The following RAD51B variants were observed in gnomAD, a reference collection of about 807,000 sequenced individuals.
RAD51B encodes the protein RAD51 paralog B.
A neutral mutation model predicts 42.2 loss-of-function variants in RAD51B; 38 were observed. The ratio of observed to expected loss-of-function variants is 0.90; its 90% CI spans 0.70 to 1.18. RAD51B has a LOEUF of 1.18. RAD51B is among the 50% of genes most tolerant of loss of function. RAD51B has a pLI of 0.00. For synonymous variants in RAD51B, 154 were observed against 145.2 expected, an observed-to-expected ratio of 1.06 and a Z score of -0.43; for missense variants, 373 against 400.7, an observed-to-expected ratio of 0.93 and a Z score of 0.59.
At chr14:68,521,145 G>A (rs1233985303) in intron 10 of RAD51B, among the ~76,000 whole-genome samples, 4 of 152,224 alleles carry the variant, frequency 2.6e-5, no homozygotes, top group Non-Finnish European at 5.9e-5. Flanking sequence ...AGAGGCAACA[G>A]CTGGGGCCTG....
intron 7 of RAD51B, among the ~76,000 whole-genome samples, chr14:68,040,012 A>G (rs911697571): frequency 6.6e-6 from 1 of 152,184 alleles, no homozygotes; most frequent in Non-Finnish European, 1.5e-5. Context: ...GGTAGTTTAG[A>G]TTGGTTAATG....
At chr14:68,283,215 T>TA (rs1470278582) in intron 7 of RAD51B, among the ~76,000 whole-genome samples, 1 of 151,992 alleles carries the variant, frequency 6.6e-6, no homozygotes, top group Admixed American at 6.6e-5. Flanking sequence ...CCACAGGTAA[T>TA]AAAAACACCT....
intron 7 of RAD51B, among the ~76,000 whole-genome samples, chr14:68,013,783 G>A (rs1454773647): frequency 6.6e-6 from 1 of 152,132 alleles, no homozygotes; most frequent in Non-Finnish European, 1.5e-5. Context: ...ATAGACTTGA[G>A]AGGTGCAGTT....
chr14:67,965,464 T>C (rs941356289), intron 7 of RAD51B, among the ~76,000 whole-genome samples: 24 of 152,154 alleles, frequency 1.6e-4, no homozygotes, highest in African/African-American at 5.1e-4. Context: ...TCTTGTCAAA[T>C]CTCTTTCTTT....
chr14:68,492,925 T>C (rs1224408092), intron 10 of RAD51B, among the ~76,000 whole-genome samples: 3 of 152,226 alleles, frequency 2.0e-5, no homozygotes, highest in Non-Finnish European at 4.4e-5. Context: ...ATAGCTTGCT[T>C]AATGTCATAC....
At chr14:67,844,624 A>ATAT (rs1555405151) in intron 4 of RAD51B, among the ~76,000 whole-genome samples, 177 of 147,798 alleles carry the variant, frequency 1.2e-3, no homozygotes, top group African/African-American at 3.7e-3. Flanking sequence ...ATATATATAT[A>ATAT]TTTTTTTTAT....
At chr14:68,244,690 G>A (rs1398913061) in intron 7 of RAD51B, among the ~76,000 whole-genome samples, 9 of 152,166 alleles carry the variant, frequency 5.9e-5, no homozygotes, top group African/African-American at 1.2e-4. Flanking sequence ...GGAAGGAATC[G>A]AAACAAAAGA....
exon 11 of RAD51B, chr14:68,595,977 T>TACA: frequency 1.8e-6 from 1 of 543,894 alleles, no homozygotes; most frequent in Non-Finnish European, 2.5e-6. Flanking sequence ...TCAAGTTTCC[T>TACA]CCCATTAACA....
chr14:68,654,977 G>A (rs1166205423), intron 11 of RAD51B, among the ~76,000 whole-genome samples: 1 of 152,166 alleles, frequency 6.6e-6, no homozygotes, highest in African/African-American at 2.4e-5. Context: ...AGAGTGAAAG[G>A]AGGGAGTAGG....
intron 10 of RAD51B, among the ~76,000 whole-genome samples, chr14:68,554,825 G>C (rs1296034726): frequency 2.0e-5 from 3 of 151,612 alleles, no homozygotes; most frequent in African/African-American, 7.3e-5. Flanking sequence ...TGAATGAATA[G>C]CAGCCGAGGT....
intron 7 of RAD51B, among the ~76,000 whole-genome samples, chr14:68,013,214 C>G (rs1260263939): frequency 1.3e-5 from 2 of 152,164 alleles, no homozygotes; most frequent in African/African-American, 4.8e-5. Flanking sequence ...TCCAAATGAA[C>G]TAGTTTGGGC....
At chr14:68,293,862 T>G (rs1252814139) in intron 8 of RAD51B, among the ~76,000 whole-genome samples, 1 of 152,258 alleles carries the variant, frequency 6.6e-6, no homozygotes, top group Non-Finnish European at 1.5e-5. Flanking sequence ...TGTATCCATG[T>G]TGTTATCCAG....
chr14:68,212,742 G>A lies in RAD51B; in HGVS notation c.757-79142G>A, dbSNP rs2079737109. Among the ~76,000 whole-genome samples the A allele has an allele frequency of 2.0e-5, 3 of 152,328 alleles. No individual in the cohort carries two copies. The South Asian group carries it at 6.2e-4, about 32-fold the overall frequency. ...GACATTGATCTTCAGCAAATTTTTA[G>A]AGTGGATTACTGAATGATTACGTGT... On this transcript the variant is annotated intron_variant, in intron 7 of 10. Transcript: ENST00000471583.
At chr14:68,515,689 A>T in intron 10 of RAD51B, among the ~76,000 whole-genome samples, 2 of 150,084 alleles carry the variant, frequency 1.3e-5, no homozygotes, top group East Asian at 3.9e-4. Context: ...TCAAATGATC[A>T]TCTCACCTCA....
chr14:68,394,922 T>C (rs2083869392), intron 8 of RAD51B, among the ~76,000 whole-genome samples: 1 of 152,168 alleles, frequency 6.6e-6, no homozygotes, highest in African/African-American at 2.4e-5. Context: ...CCTGCTCTTT[T>C]TCTCAGTGAG....
chr14:67,994,616 G>T lies in RAD51B; in HGVS notation c.756+107412G>T, dbSNP rs34960360. Among the ~76,000 whole-genome samples the T allele has an allele frequency of 7.4e-3, 1,128 of 152,222 alleles. 24 individuals carry two copies. The highest frequency in any genetic ancestry group is 0.042 in the East Asian group (219 of 5,180). ...CTCAAGCAGGATTTAAGGCAGGGAG[G>T]GGTCACCACTGATTGATCTTCAAAT... On this transcript the variant is annotated intron_variant, in intron 7 of 10. Coordinates refer to ENST00000471583, the MANE Select transcript of RAD51B (RefSeq NM_133510.4).
At chr14:68,116,555 G>A (rs1276147088) in intron 7 of RAD51B, among the ~76,000 whole-genome samples, 1 of 151,896 alleles carries the variant, frequency 6.6e-6, no homozygotes, top group Non-Finnish European at 1.5e-5. Flanking sequence ...GAGAAAATAC[G>A]GTCTTCTGTT....
At chr14:68,389,884 T>C (rs1181167372) in intron 8 of RAD51B, among the ~76,000 whole-genome samples, 1 of 152,242 alleles carries the variant, frequency 6.6e-6, no homozygotes, top group African/African-American at 2.4e-5. Context: ...GTTGGGCCTC[T>C]TGTTTCTCAA....
downstream of RAD51B, among the ~76,000 whole-genome samples, chr14:68,480,014 T>C (rs1235650078): frequency 1.3e-5 from 2 of 152,132 alleles, no homozygotes; most frequent in Non-Finnish European, 2.9e-5. Context: ...GGTTCTCATG[T>C]CACATAAAAC....
Sources: gnomAD v4.1 joint callset for allele counts (sites outside exome capture counted in the v4.1 genomes callset) on GRCh38, gnomAD v4.1.1 for gene constraint, MANE v1.5 for transcripts, NCBI Gene and HGNC (gene_info 2026-07-23, HGNC 2026-07-21) for gene names.